The following GABRA4 variants were observed in gnomAD, a reference collection of about 807,000 sequenced individuals.
GABRA4 encodes the protein gamma-aminobutyric acid type A receptor subunit alpha4.
In GABRA4, 12 loss-of-function variants were observed where a neutral mutation model predicts 49.7. The ratio of observed to expected loss-of-function variants is 0.24; its 90% CI spans 0.15 to 0.39. The LOEUF (loss-of-function observed/expected upper bound fraction) is 0.39. Among genes scored for constraint, GABRA4 ranks in the 10% least tolerant of loss-of-function variants. GABRA4 has a pLI of 1.00. For missense variants in GABRA4, 506 were observed against 686.0 expected, an observed-to-expected ratio of 0.74 and a Z score of 2.93; for synonymous variants, 288 against 240.2, an observed-to-expected ratio of 1.20 and a Z score of -1.84.
chr4:46,939,612 T>C (rs1721723005), intron 8 of GABRA4, among the ~76,000 whole-genome samples: 1 of 152,024 alleles, frequency 6.6e-6, no homozygotes, highest in Non-Finnish European at 1.5e-5. Flanking sequence ...ACTCATGGAA[T>C]TAAAAATACA....
At chr4:46,952,828 T>C (rs1249156559) in intron 8 of GABRA4, among the ~76,000 whole-genome samples, 1 of 151,248 alleles carries the variant, frequency 6.6e-6, no homozygotes, top group African/African-American at 2.4e-5. Context: ...GCGATATAAA[T>C]GGAAAAAAAA....
At chr4:46,955,531 A>C (rs915313822) in intron 8 of GABRA4, among the ~76,000 whole-genome samples, 1 of 152,054 alleles carries the variant, frequency 6.6e-6, no homozygotes, top group Non-Finnish European at 1.5e-5. Context: ...ACTCTGCTAC[A>C]ATGTATTATT....
intron 2 of GABRA4, among the ~76,000 whole-genome samples, chr4:46,986,610 C>A (rs894391225): frequency 6.6e-6 from 1 of 152,102 alleles, no homozygotes; most frequent in Non-Finnish European, 1.5e-5. Flanking sequence ...CCCTATCAAA[C>A]TTAATCCCCT....
At chr4:46,981,750 C>T (rs1723364786) in intron 2 of GABRA4, among the ~76,000 whole-genome samples, 1 of 152,000 alleles carries the variant, frequency 6.6e-6, no homozygotes, top group Non-Finnish European at 1.5e-5. Flanking sequence ...AGGAAAAATA[C>T]AGGATGGTAA....
intron 2 of GABRA4, among the ~76,000 whole-genome samples, chr4:46,991,267 T>C (rs1004675772): frequency 6.6e-6 from 1 of 151,884 alleles, no homozygotes; most frequent in African/African-American, 2.4e-5. Flanking sequence ...TCCAAGAAAA[T>C]AATGGTTTGG....
chr4:46,954,691 G>C (rs1181074585), intron 8 of GABRA4, among the ~76,000 whole-genome samples: 1 of 152,082 alleles, frequency 6.6e-6, no homozygotes, highest in Non-Finnish European at 1.5e-5. Flanking sequence ...TTTAACAGAT[G>C]GAGAAATGGA....
rs187718298 is a variant in GABRA4, at chr4:46,961,385, T to C, written c.1134+3585A>G. On this transcript the variant is annotated intron_variant, in intron 8 of 8. Transcript: ENST00000264318. The stretch of plus-strand genomic sequence containing the variant: ...CTTCCTGTCCCCTTTAGTGCTTTAC[T>C]ATTATCATAGCCCTATCACTATCTA... Among the ~76,000 whole-genome samples, 550 of 151,990 alleles carry C rather than the reference T, an allele frequency of 3.6e-3. 2 individuals are homozygous for C. The highest frequency in any genetic ancestry group is 0.012 in the African/African-American group (504 of 41,516).
At chr4:46,988,679 A>C (rs1210200238) in intron 2 of GABRA4, among the ~76,000 whole-genome samples, 1 of 152,224 alleles carries the variant, frequency 6.6e-6, no homozygotes, top group African/African-American at 2.4e-5. Flanking sequence ...TTAGAACAAA[A>C]GTTCTTATCT....
At chr4:46,964,573 A>C (rs767054034) in intron 8 of GABRA4, among the ~76,000 whole-genome samples, 2 of 151,782 alleles carry the variant, frequency 1.3e-5, no homozygotes, top group Non-Finnish European at 2.9e-5. Flanking sequence ...AAACATAAGC[A>C]ATTTTTAAAG....
At chr4:46,969,970 T>A (rs1722892902) in intron 7 of GABRA4, among the ~76,000 whole-genome samples, 1 of 151,380 alleles carries the variant, frequency 6.6e-6, no homozygotes, top group Non-Finnish European at 1.5e-5. Flanking sequence ...CCCCCCCATA[T>A]GAGTTTCTCC....
intron 8 of GABRA4, among the ~76,000 whole-genome samples, chr4:46,941,158 C>CA (rs1721773598): frequency 6.6e-6 from 1 of 151,664 alleles, no homozygotes. Flanking sequence ...CTAGAAGACC[C>CA]AAATATCTAG....
chr4:46,948,446 C>A (rs548990194), intron 8 of GABRA4, among the ~76,000 whole-genome samples: 3 of 152,196 alleles, frequency 2.0e-5, no homozygotes, highest in Middle Eastern at 3.4e-3. Flanking sequence ...AAAACAGAAG[C>A]AAATTACATC....
At chr4:46,961,726 C>G (rs543081801) in intron 8 of GABRA4, among the ~76,000 whole-genome samples, 1 of 151,700 alleles carries the variant, frequency 6.6e-6, no homozygotes, top group African/African-American at 2.4e-5. Context: ...TGGCAAATAC[C>G]ATAGACTGTA....
At chr4:46,967,254 C>A (rs538705356) in intron 7 of GABRA4, among the ~76,000 whole-genome samples, 21 of 151,488 alleles carry the variant, frequency 1.4e-4, no homozygotes, top group Middle Eastern at 6.8e-3. Flanking sequence ...AATAATACTA[C>A]TCAGTACTCA....
chr4:46,966,108 T>G (rs528299180), intron 7 of GABRA4, among the ~76,000 whole-genome samples: 45 of 151,888 alleles, frequency 3.0e-4, no homozygotes, highest in Admixed American at 8.5e-4. Context: ...GAGTAACACA[T>G]TATTTAAGAA....
intron 5 of GABRA4, among the ~76,000 whole-genome samples, chr4:46,975,354 C>T (rs975075303): frequency 2.0e-5 from 3 of 151,900 alleles, no homozygotes; most frequent in African/African-American, 7.2e-5. Flanking sequence ...GCATTTATTT[C>T]CAGAAATATA....
Position 46,971,045 on chromosome 4 carries a change from AT to A in GABRA4, c.874+37del, listed in dbSNP as rs1560477944. 1.2e-5 allele frequency: 19 copies of A among 1,580,836 alleles called. 1 individual carries two copies. The South Asian group carries it at 1.9e-4, about 16-fold the overall frequency. On this transcript the variant is annotated intron_variant, in intron 7 of 8. Transcript: ENST00000264318. Reference sequence around the variant, plus strand: ...TCCCATGAATCATGAATAAAATGTAATGTGAACAAAAACGCCCAAGAAATGA... The same window carrying A: ...TCCCATGAATCATGAATAAAATGTAAGTGAACAAAAACGCCCAAGAAATGA...
intron 3 of GABRA4, 81 bp from the exon 4 acceptor site, chr4:46,977,711 T>C: frequency 1.1e-6 from 1 of 929,498 alleles, no homozygotes; most frequent in Non-Finnish European, 1.6e-6. Flanking sequence ...AAATTCTGTC[T>C]TCCTTCATGC....
chr4:46,987,812 G>A (rs1723593967), intron 2 of GABRA4, among the ~76,000 whole-genome samples: 1 of 152,002 alleles, frequency 6.6e-6, no homozygotes, highest in African/African-American at 2.4e-5. Flanking sequence ...CTTCCTTTAT[G>A]CAGACAAGAT....
Sources: allele counts gnomAD v4.1 joint callset (sites outside exome capture counted in the v4.1 genomes callset), GRCh38; gene constraint gnomAD v4.1.1; transcripts MANE v1.5; gene names NCBI Gene and HGNC (gene_info 2026-07-23, HGNC 2026-07-21).